Variants in EYA2 observed in about 807,000 individuals in gnomAD.
EYA2 encodes the protein EYA transcriptional coactivator and phosphatase 2.
EYA2 carries 31 observed loss-of-function variants against 69.2 expected under a neutral mutation model. That is an observed-to-expected ratio of 0.45 (90% CI 0.34 to 0.60). EYA2 has a LOEUF of 0.60. EYA2 is among the 20% of genes least tolerant of loss of function. EYA2 has a pLI of 0.02. For synonymous variants in EYA2, 257 were observed against 279.4 expected (o/e 0.92, Z 0.80); for missense variants, 622 against 701.2 (o/e 0.89, Z 1.28).
chr20:47,083,013 G>A (rs148348768), intron 7 of EYA2, among the ~76,000 whole-genome samples: 2 of 152,168 alleles, frequency 1.3e-5, no homozygotes, highest in South Asian at 2.1e-4. Context: ...GAGCAACATA[G>A]CAAGACCCTG....
intron 10 of EYA2, among the ~76,000 whole-genome samples, chr20:47,163,133 G>C (rs567897609): frequency 6.6e-6 from 1 of 151,596 alleles, no homozygotes; most frequent in Non-Finnish European, 1.5e-5. Flanking sequence ...GGGCTCAAGC[G>C]ATCCTCCTTT....
At chr20:47,165,855 C>A (rs549814220) in intron 10 of EYA2, among the ~76,000 whole-genome samples, 145 of 152,130 alleles carry the variant, frequency 9.5e-4, no homozygotes, top group Middle Eastern at 6.8e-3. Context: ...TGCCACTGAC[C>A]CCTCTCTTGC....
At chr20:46,931,265 C>A (rs1237066852) in intron 1 of EYA2, among the ~76,000 whole-genome samples, 1 of 152,178 alleles carries the variant, frequency 6.6e-6, no homozygotes, top group Non-Finnish European at 1.5e-5. Flanking sequence ...AATGAAGACC[C>A]CGGCCCAGTT....
rs140415344 is a variant in EYA2, at chr20:47,045,267, G to T, written c.416-26918G>T. ...TGCTACTATAGGCTGGGGCACCTTG[G>T]TTCTCTTCCACATGGACTCTCTTCC... On this transcript the variant is annotated intron_variant, in intron 5 of 15. Coordinates refer to ENST00000327619, the MANE Select transcript of EYA2 (RefSeq NM_005244.5). 6.0e-3 allele frequency among the ~76,000 whole-genome samples: 911 copies of T among 152,298 alleles called. 1 individual carries two copies. Among genetic ancestry groups the T allele is most frequent in the South Asian group, 8.9e-3 (43 of 4,826 alleles).
At chr20:47,176,521 G>A (rs996016405) in intron 12 of EYA2, among the ~76,000 whole-genome samples, 18 of 152,160 alleles carry the variant, frequency 1.2e-4, no homozygotes, top group South Asian at 2.1e-4. Flanking sequence ...AGGGCTATTT[G>A]AACTCAGTAT....
rs116050712 is a variant in EYA2, at chr20:47,070,470, A to G, written c.416-1715A>G. ...GTAAAATGGCACAGCCACTTAGGAA[A>G]ACAGTTTGGCCATTTCTTTTAAAAG... is the stretch of plus-strand genomic sequence containing the variant. On this transcript the variant is annotated intron_variant, in intron 5 of 15. Transcript: ENST00000327619. Among the ~76,000 whole-genome samples, 453 of 152,358 alleles carry G rather than the reference A, an allele frequency of 3.0e-3. 1 individual carries two copies. The highest frequency in any genetic ancestry group is 0.01 in the African/African-American group (427 of 41,576).
chr20:47,067,128 G>A (rs925295781), intron 5 of EYA2, among the ~76,000 whole-genome samples: 2 of 152,184 alleles, frequency 1.3e-5, no homozygotes, highest in African/African-American at 4.8e-5. Flanking sequence ...TTTGGAGAAA[G>A]CATACCAAGG....
intron 10 of EYA2, among the ~76,000 whole-genome samples, chr20:47,155,422 G>A (rs1040777739): frequency 4.0e-5 from 6 of 151,888 alleles, no homozygotes; most frequent in Admixed American, 6.5e-5. Context: ...GCACAATCCC[G>A]ATGGGAGCTA....
At chr20:47,066,670 T>C (rs531819481) in intron 5 of EYA2, among the ~76,000 whole-genome samples, 1 of 152,296 alleles carries the variant, frequency 6.6e-6, no homozygotes, top group Non-Finnish European at 1.5e-5. Flanking sequence ...TGTGGCCACA[T>C]TTAGCCATAG....
chr20:47,164,527 A>C (rs571064415), intron 10 of EYA2, among the ~76,000 whole-genome samples: 1 of 152,258 alleles, frequency 6.6e-6, no homozygotes, highest in South Asian at 2.1e-4. Flanking sequence ...GCTGGGGGCT[A>C]TCTGCTGTTT....
intron 5 of EYA2, among the ~76,000 whole-genome samples, chr20:47,067,728 TCTTC>T (rs1454290350): frequency 4.6e-5 from 7 of 152,234 alleles, no homozygotes; most frequent in East Asian, 1.9e-4. Flanking sequence ...CCTTTTTCTT[TCTTC>T]CTTCCTGATG....
At chr20:47,162,177 A>G (rs1036892995) in intron 10 of EYA2, among the ~76,000 whole-genome samples, 2 of 152,148 alleles carry the variant, frequency 1.3e-5, no homozygotes, top group East Asian at 1.9e-4. Flanking sequence ...GGACACAGAC[A>G]TATTGGATGA....
intron 9 of EYA2, among the ~76,000 whole-genome samples, chr20:47,100,456 G>A (rs6094592): frequency 0.08 from 12,135 of 152,212 alleles, 649 homozygotes; most frequent in East Asian, 0.18. Context: ...TGGCCCCATT[G>A]GTATCTGAGT....
intron 9 of EYA2, among the ~76,000 whole-genome samples, chr20:47,138,864 G>C (rs191342955): frequency 8.9e-4 from 135 of 152,050 alleles, no homozygotes; most frequent in African/African-American, 3.2e-3. Context: ...TTCTTTTTGT[G>C]TACAGCCTTT....
intron 5 of EYA2, among the ~76,000 whole-genome samples, chr20:47,052,413 C>T (rs1373454687): frequency 6.6e-6 from 1 of 152,078 alleles, no homozygotes; most frequent in Non-Finnish European, 1.5e-5. Context: ...TCACGAGGGG[C>T]GTGTTAGAAA....
At chr20:46,942,753 G>C (rs2146264520) in intron 1 of EYA2, among the ~76,000 whole-genome samples, 1 of 152,182 alleles carries the variant, frequency 6.6e-6, no homozygotes, top group African/African-American at 2.4e-5. Flanking sequence ...AGGGTTCTCT[G>C]TTTTGTTTTT....
At chr20:47,008,467 A>T (rs1316792612) in intron 4 of EYA2, among the ~76,000 whole-genome samples, 1 of 152,048 alleles carries the variant, frequency 6.6e-6, no homozygotes, top group Non-Finnish European at 1.5e-5. Flanking sequence ...ATCTTTTCTA[A>T]CTTTTTTCCC....
At chr20:47,155,908 G>A (rs1036594612) in intron 10 of EYA2, among the ~76,000 whole-genome samples, 11 of 150,614 alleles carry the variant, frequency 7.3e-5, no homozygotes, top group Non-Finnish European at 1.2e-4. Flanking sequence ...CAGCCATGGT[G>A]GCTCATGCCT....
In EYA2 at chr20:47,033,829, A is replaced by G. The variant is rs993053578; in HGVS notation, c.415+17532A>G. On this transcript the variant is annotated intron_variant, in intron 5 of 15. Transcript: ENST00000327619. ...TCAATGGACATATAGCATGAAAGAT[A>G]GATCAACTTTGATTGCATTCAAGCC... Among the ~76,000 whole-genome samples, 6 of 152,258 alleles carry G rather than the reference A, an allele frequency of 3.9e-5. No homozygotes were observed. In the Middle Eastern group the frequency reaches 9.5e-3, roughly 241 times the overall value.
Sources: gnomAD v4.1 joint callset for allele counts (sites outside exome capture counted in the v4.1 genomes callset) on GRCh38, gnomAD v4.1.1 for gene constraint, MANE v1.5 for transcripts, NCBI Gene and HGNC (gene_info 2026-07-23, HGNC 2026-07-21) for gene names.